PGM1: variants seen among roughly 807,000 people sequenced by gnomAD.
PGM1 encodes phosphoglucomutase-1.
A neutral mutation model predicts 55.6 loss-of-function variants in PGM1; 52 were observed. That is an observed-to-expected ratio of 0.94 (90% CI 0.75 to 1.18). The LOEUF is 1.18. PGM1 is among the 50% of genes most tolerant of loss of function. The probability of loss-of-function intolerance (pLI) is 0.00; values close to 1 mark genes in which losing one functional copy is unlikely to be tolerated. For synonymous variants in PGM1, 287 were observed against 271.7 expected (o/e 1.06, Z -0.55); for missense variants, 724 against 729.3 (o/e 0.99, Z 0.08).
chr1:63,597,679 A>G (rs897959518), intron 1 of PGM1, among the ~76,000 whole-genome samples: 1 of 152,256 alleles, frequency 6.6e-6, no homozygotes, highest in African/African-American at 2.4e-5. Flanking sequence ...GAGAATCCCA[A>G]CGAATTCTTT....
intron 1 of PGM1, among the ~76,000 whole-genome samples, chr1:63,616,143 G>A (rs978441688): frequency 3.3e-5 from 5 of 152,122 alleles, no homozygotes; most frequent in Admixed American, 6.5e-5. Context: ...TTCTGTTAGC[G>A]CCAAGTGAAT....
At chr1:63,625,319 C>A (rs1483592598) in intron 1 of PGM1, among the ~76,000 whole-genome samples, 1 of 152,176 alleles carries the variant, frequency 6.6e-6, no homozygotes, top group Non-Finnish European at 1.5e-5. Context: ...GAGCTGTTGG[C>A]AGCCCAAGCA....
intron 1 of PGM1, among the ~76,000 whole-genome samples, chr1:63,618,015 A>G (rs1478686580): frequency 1.3e-5 from 2 of 152,174 alleles, no homozygotes; most frequent in African/African-American, 4.8e-5. Context: ...CATGTAATCA[A>G]ATAATAACAG....
intron 1 of PGM1, among the ~76,000 whole-genome samples, chr1:63,619,455 A>G (rs1185765324): frequency 2.0e-5 from 3 of 152,204 alleles, no homozygotes; most frequent in Non-Finnish European, 2.9e-5. Context: ...AGTGCTGGAC[A>G]AGATCACATT....
Position 63,659,801 on chromosome 1 carries a change from T to C in PGM1, c.*126T>C, listed in dbSNP as rs1175186826. On this transcript the variant is annotated 3_prime_UTR_variant, in exon 11 of 11. Coordinates refer to ENST00000371084, the MANE Select transcript of PGM1 (RefSeq NM_002633.3). Reference sequence around the variant, plus strand: ...AGGATTTGACTTTTTCACTAACCAGTTGACGAGCAGTGCATTTACAAGGCA... The same window carrying C: ...AGGATTTGACTTTTTCACTAACCAGCTGACGAGCAGTGCATTTACAAGGCA... The C allele has an allele frequency of 5.3e-6, 4 of 750,858 alleles. No homozygotes were observed. The highest frequency in any genetic ancestry group is 9.5e-6 in the Non-Finnish European group (4 of 421,112). The allele number at this position is 750,858 out of a possible 1,614,324, so 46.5% of individuals were successfully genotyped here.
At chr1:63,600,686 G>C (rs1176963101) in intron 1 of PGM1, among the ~76,000 whole-genome samples, 1 of 152,224 alleles carries the variant, frequency 6.6e-6, no homozygotes, top group Non-Finnish European at 1.5e-5. Flanking sequence ...CCTGAATGAA[G>C]TGAAGGAGTG....
rs544555664 is a variant in PGM1, at chr1:63,613,550, T to A, written c.247-15875T>A. 7.8e-4 allele frequency among the ~76,000 whole-genome samples: 118 copies of A among 152,184 alleles called. 1 individual carries two copies. The highest frequency in any genetic ancestry group is 2.8e-3 in the African/African-American group (117 of 41,516). ...TTCTTCCCTATGTATCTCTTCTGTC[T>A]CTGTCTCCAAATTTCCCTCTCCTAA... On this transcript the variant is annotated intron_variant, in intron 1 of 10. Transcript: ENST00000371084.
At chr1:63,608,456 A>C (rs955708100) in intron 1 of PGM1, among the ~76,000 whole-genome samples, 3 of 152,216 alleles carry the variant, frequency 2.0e-5, no homozygotes, top group Non-Finnish European at 4.4e-5. Flanking sequence ...TTGAAACCCA[A>C]ATGCTAAGCC....
At chr1:63,635,149 C>A in intron 5 of PGM1, 130 bp downstream of exon 5, 1 of 766,762 alleles carries the variant, frequency 1.3e-6, no homozygotes. Flanking sequence ...GACCCGAGGT[C>A]AGAACTAAAT....
At chr1:63,645,621 G>A (rs2100995994) in intron 7 of PGM1, among the ~76,000 whole-genome samples, 1 of 152,080 alleles carries the variant, frequency 6.6e-6, no homozygotes, top group East Asian at 1.9e-4. Context: ...AGTAAAATTA[G>A]GTAAACATTT....
At chr1:63,623,460 G>A in intron 1 of PGM1, 1 of 1,611,522 alleles carries the variant, frequency 6.2e-7, no homozygotes, top group Non-Finnish European at 8.5e-7. Context: ...GGAAGTGAAG[G>A]ATGAGTGATT....
At chr1:63,632,866 A>G (rs569430662) in intron 4 of PGM1, among the ~76,000 whole-genome samples, 4 of 152,248 alleles carry the variant, frequency 2.6e-5, no homozygotes, top group Admixed American at 2.0e-4. Flanking sequence ...CTATAAAAAT[A>G]CAAAAAATTA....
At chr1:63,614,384 A>G (rs1648651512) in intron 1 of PGM1, among the ~76,000 whole-genome samples, 1 of 152,154 alleles carries the variant, frequency 6.6e-6, no homozygotes, top group Non-Finnish European at 1.5e-5. Context: ...TTATATCCCT[A>G]AAGCCTTGCT....
chr1:63,650,961 G>A (rs529325508), intron 8 of PGM1, among the ~76,000 whole-genome samples: 77 of 152,202 alleles, frequency 5.1e-4, no homozygotes, highest in Non-Finnish European at 9.6e-4. Context: ...TAATGCATTT[G>A]GGGCTTAATT....
At chr1:63,644,561 A>AT (rs1649602165) in intron 7 of PGM1, among the ~76,000 whole-genome samples, 1 of 152,198 alleles carries the variant, frequency 6.6e-6, no homozygotes, top group South Asian at 2.1e-4. Flanking sequence ...AAAGCATAAT[A>AT]AAGTCAGTGG....
intron 1 of PGM1, among the ~76,000 whole-genome samples, chr1:63,614,904 C>A (rs983122009): frequency 1.3e-5 from 2 of 152,144 alleles, no homozygotes; most frequent in African/African-American, 4.8e-5. Context: ...CTTCTACTAC[C>A]TTTGAGCAGG....
intron 1 of PGM1, among the ~76,000 whole-genome samples, chr1:63,595,968 G>A (rs552761392): frequency 2.6e-5 from 4 of 152,032 alleles, no homozygotes; most frequent in Non-Finnish European, 2.9e-5. Context: ...CGGTTTACTC[G>A]CCATTTCACT....
chr1:63,642,056 A>G (rs1649531907), intron 7 of PGM1, among the ~76,000 whole-genome samples: 1 of 152,154 alleles, frequency 6.6e-6, no homozygotes, highest in Admixed American at 6.5e-5. Flanking sequence ...GTAGTCTGGG[A>G]CCCTTGTAAT....
chr1:63,593,867 T>C, intron 1 of PGM1, 133 bp downstream of exon 1: 1 of 1,290,984 alleles, frequency 7.7e-7, no homozygotes, highest in Non-Finnish European at 9.7e-7. Context: ...CGCTCCTCCC[T>C]CTCCTTCGCG....
Sources: gnomAD v4.1 joint callset for allele counts (sites outside exome capture counted in the v4.1 genomes callset) on GRCh38, gnomAD v4.1.1 for gene constraint, MANE v1.5 for transcripts, NCBI Gene and HGNC (gene_info 2026-07-23, HGNC 2026-07-21) for gene names.